The following PLPP3 variants were observed in gnomAD, a reference collection of about 807,000 sequenced individuals.
PLPP3 encodes the protein PAP2 beta.
A neutral mutation model predicts 29.6 loss-of-function variants in PLPP3; 6 were observed. The ratio of observed to expected loss-of-function variants is 0.20; its 90% confidence interval spans 0.11 to 0.40. The LOEUF (loss-of-function observed/expected upper bound fraction) is 0.40. PLPP3 is among the 10% of genes least tolerant of loss of function. The pLI is 1.00. For missense variants in PLPP3, 308 were observed against 407.7 expected (o/e 0.76, Z 2.11); for synonymous variants, 152 against 159.7 (o/e 0.95, Z 0.36).
intron 1 of PLPP3, among the ~76,000 whole-genome samples, chr1:56,576,913 T>C (rs537343866): frequency 1.3e-5 from 2 of 152,318 alleles, no homozygotes; most frequent in East Asian, 3.9e-4. Flanking sequence ...TTGTGTCTTT[T>C]TGCAAATTCC....
At chr1:56,522,799 A>C (rs1461296557) in intron 4 of PLPP3, among the ~76,000 whole-genome samples, 1 of 152,210 alleles carries the variant, frequency 6.6e-6, no homozygotes, top group Non-Finnish European at 1.5e-5. Flanking sequence ...GCTATGTCTG[A>C]CCTCTTAGCA....
In PLPP3 at chr1:56,496,453, G is replaced by T; in HGVS notation, c.*98C>A. ...CTTTTTAAAAATCAGTCGGGCAAAA[G>T]TTTTTCCCTACATTCTACTGTCTGA... On this transcript the variant is annotated 3_prime_UTR_variant, in exon 6 of 6. Transcript: ENST00000371250. 7.1e-7 allele frequency: 1 copy of T among 1,413,656 alleles called. No individual in the cohort carries two copies. The highest frequency in any genetic ancestry group is 9.6e-7 in the Non-Finnish European group (1 of 1,043,828). 87.6% of individuals were successfully genotyped at this position (1,413,656 alleles called of 1,614,324 possible).
intron 2 of PLPP3, among the ~76,000 whole-genome samples, chr1:56,530,177 T>C (rs1645878186): frequency 6.6e-6 from 1 of 152,048 alleles, no homozygotes; most frequent in African/African-American, 2.4e-5. Flanking sequence ...CTTTTGTTAC[T>C]ATTTCTAAAT....
intron 2 of PLPP3, among the ~76,000 whole-genome samples, chr1:56,531,412 C>T (rs1318459568): frequency 6.6e-6 from 1 of 152,200 alleles, no homozygotes; most frequent in Non-Finnish European, 1.5e-5. Context: ...GTATTTTACA[C>T]ATCAGCTTAT....
At chr1:56,544,282 T>G (rs867229609) in intron 1 of PLPP3, among the ~76,000 whole-genome samples, 60 of 152,356 alleles carry the variant, frequency 3.9e-4, no homozygotes, top group African/African-American at 1.4e-3. Context: ...TAAAACAAAC[T>G]GACCAGCAAC....
chr1:56,517,707 G>C (rs1290628745), intron 4 of PLPP3, among the ~76,000 whole-genome samples: 1 of 152,226 alleles, frequency 6.6e-6, no homozygotes, highest in Non-Finnish European at 1.5e-5. Context: ...TAAAGTCTTA[G>C]TCTTTTTATA....
intron 1 of PLPP3, among the ~76,000 whole-genome samples, chr1:56,552,712 C>T (rs922948549): frequency 3.3e-5 from 5 of 152,144 alleles, no homozygotes; most frequent in African/African-American, 9.7e-5. Flanking sequence ...CAGTATCTTT[C>T]CCAGGACAAC....
intron 1 of PLPP3, among the ~76,000 whole-genome samples, chr1:56,549,084 G>A (rs556438833): frequency 7.9e-4 from 120 of 152,292 alleles, no homozygotes; most frequent in African/African-American, 2.8e-3. Context: ...AAAAGGAAGC[G>A]AACTGGCAGT....
At chr1:56,528,739 G>A (rs897285210) in intron 2 of PLPP3, among the ~76,000 whole-genome samples, 2 of 151,232 alleles carry the variant, frequency 1.3e-5, no homozygotes, top group East Asian at 1.9e-4. Context: ...CTCCTTGGAC[G>A]ATACCATACC....
chr1:56,542,437 T>C (rs1322251258), intron 1 of PLPP3, among the ~76,000 whole-genome samples: 1 of 152,046 alleles, frequency 6.6e-6, no homozygotes, highest in Non-Finnish European at 1.5e-5. Context: ...AAGAGAATGA[T>C]GGGAAGGGTG....
chr1:56,498,617 A>G (rs184872647), intron 5 of PLPP3, among the ~76,000 whole-genome samples: 87 of 151,178 alleles, frequency 5.8e-4, no homozygotes, highest in South Asian at 2.9e-3. Context: ...GTTTTGATCA[A>G]TCCCTCCCCA....
intron 1 of PLPP3, among the ~76,000 whole-genome samples, chr1:56,572,237 A>G (rs1430093654): frequency 6.6e-6 from 1 of 151,562 alleles, no homozygotes; most frequent in African/African-American, 2.4e-5. Flanking sequence ...TTTAGTAGAG[A>G]CGGGGTTTCA....
At chr1:56,576,339 G>A (rs1053222692) in intron 1 of PLPP3, among the ~76,000 whole-genome samples, 9 of 152,202 alleles carry the variant, frequency 5.9e-5, no homozygotes, top group Admixed American at 3.3e-4. Context: ...TTATACTGAC[G>A]GTCTTAGGCA....
intron 1 of PLPP3, among the ~76,000 whole-genome samples, chr1:56,556,244 C>T (rs867706912): frequency 7.9e-5 from 12 of 152,182 alleles, no homozygotes; most frequent in Middle Eastern, 6.8e-3. Context: ...GGCATTAGGG[C>T]GGGCTGTAAC....
intron 1 of PLPP3, among the ~76,000 whole-genome samples, chr1:56,543,870 C>T (rs1163580364): frequency 6.6e-6 from 1 of 152,184 alleles, no homozygotes; most frequent in East Asian, 1.9e-4. Context: ...AAAGCAACTA[C>T]GTGGTAGAAA....
intron 1 of PLPP3, among the ~76,000 whole-genome samples, chr1:56,577,434 G>C (rs1457123577): frequency 6.6e-6 from 1 of 152,100 alleles, no homozygotes; most frequent in Non-Finnish European, 1.5e-5. Context: ...CTTCCACAGA[G>C]CACAATTATA....
At chr1:56,555,457 A>AC (rs1486815154) in intron 1 of PLPP3, among the ~76,000 whole-genome samples, 4 of 149,406 alleles carry the variant, frequency 2.7e-5, no homozygotes, top group Admixed American at 1.3e-4. Context: ...AAAAAAAAAA[A>AC]AAACAAAAAA....
At chr1:56,555,731 A>C (rs541399083) in intron 1 of PLPP3, among the ~76,000 whole-genome samples, 25 of 151,976 alleles carry the variant, frequency 1.6e-4, no homozygotes, top group Non-Finnish European at 3.4e-4. Context: ...CTGATCTTGA[A>C]CTCCTAAGCT....
At chr1:56,552,865 G>C (rs1646050135) in intron 1 of PLPP3, among the ~76,000 whole-genome samples, 1 of 152,204 alleles carries the variant, frequency 6.6e-6, no homozygotes. Context: ...AACTGAAAGA[G>C]GGGAGTAAAA....
Sources: allele counts gnomAD v4.1 joint callset (sites outside exome capture counted in the v4.1 genomes callset), GRCh38; gene constraint gnomAD v4.1.1; transcripts MANE v1.5; gene names NCBI Gene and HGNC (gene_info 2026-07-23, HGNC 2026-07-21).